The following BPTF variants were observed in gnomAD, a reference collection of about 807,000 sequenced individuals.
BPTF encodes bromodomain PHD finger transcription factor, also known as nucleosome-remodeling factor subunit BPTF.
In BPTF, 18 loss-of-function variants were observed where a neutral mutation model predicts 292.5. The ratio of observed to expected loss-of-function variants is 0.06; its 90% confidence interval spans 0.04 to 0.09. The LOEUF (loss-of-function observed/expected upper bound fraction) is 0.09. Among genes scored for constraint, BPTF ranks in the 10% least tolerant of loss-of-function variants. BPTF has a pLI of 1.00. For missense variants in BPTF, 2,726 were observed against 3,498.7 expected, an observed-to-expected ratio of 0.78 and a Z score of 5.57; for synonymous variants, 1,225 against 1,251.9, an observed-to-expected ratio of 0.98 and a Z score of 0.45.
At chr17:67,930,713 G>A (rs1190406863) in intron 17 of BPTF, among the ~76,000 whole-genome samples, 4 of 152,090 alleles carry the variant, frequency 2.6e-5, no homozygotes, top group African/African-American at 9.7e-5. Context: ...GGAGGCTGAG[G>A]CGAGAGGATC....
rs2065761598 is a variant in BPTF, at chr17:67,945,749, A to G, written c.7041A>G (p.Ser2347=). Residue 2347 remains serine, a synonymous_variant, in exon 21 of 28, where the codon TCA becomes TCG. Transcript: ENST00000306378. ...CTCCTGTTCGTGTCCAAAGTCCATCACAGACTCGAATACGTCCATCAACTC... is the reference window on the plus strand; with the variant it reads ...CTCCTGTTCGTGTCCAAAGTCCATCGCAGACTCGAATACGTCCATCAACTC... ...GQSPVRVQSP[S]QTRIRPSTPS... is the part of the protein sequence containing the mutation. The G allele has an allele frequency of 1.2e-6, 2 of 1,614,066 alleles. No individual in the cohort carries two copies. The highest frequency in any genetic ancestry group is 4.5e-5 in the East Asian group (2 of 44,904).
In BPTF at chr17:67,912,778, G is replaced by A. The variant is rs1245583216; in HGVS notation, c.4894G>A (p.Val1632Met). 6.2e-7 allele frequency: 1 copy of A among 1,613,974 alleles called. No individual in the cohort carries two copies. Among genetic ancestry groups the A allele is most frequent in the Admixed American group, 1.7e-5 (1 of 59,978 alleles). ...CACTGTCACAACCACCACTACAACA[G>A]TGACCAAGCTTTCCACACCCTCCAC... ...KSTVTTTTTTVTKLSTPSTGG... is the reference protein window; with the variant it reads ...KSTVTTTTTTMTKLSTPSTGG... Residue 1632 changes from valine to methionine, a missense_variant, in exon 11 of 28, where the codon GTG becomes ATG. Val to Met is a conservative substitution (Grantham distance 21, BLOSUM62 1). Transcript: ENST00000306378.
intron 15 of BPTF, among the ~76,000 whole-genome samples, chr17:67,927,955 C>A (rs1486558009): frequency 6.6e-6 from 1 of 151,982 alleles, no homozygotes; most frequent in African/African-American, 2.4e-5. Context: ...ATGATCTCAG[C>A]TTACTGCAAC....
At chr17:67,827,930 CTT>C (rs35169238) in intron 1 of BPTF, among the ~76,000 whole-genome samples, 2,362 of 128,918 alleles carry the variant, frequency 0.018, 58 homozygotes, top group African/African-American at 0.059. Flanking sequence ...AATTTTAGTA[CTT>C]TTTTTTTTTT....
At chr17:67,961,726 C>A (rs2067514260) in intron 24 of BPTF, among the ~76,000 whole-genome samples, 1 of 152,128 alleles carries the variant, frequency 6.6e-6, no homozygotes, top group South Asian at 2.1e-4. Flanking sequence ...GTAATCCCAA[C>A]ACTTTGGGAG....
chr17:67,902,562 A>G (rs888013270), intron 7 of BPTF, among the ~76,000 whole-genome samples: 2 of 152,094 alleles, frequency 1.3e-5, no homozygotes, highest in African/African-American at 4.8e-5. Context: ...CTTATGAGAG[A>G]CTACGAAGAG....
chr17:67,844,506 C>G (rs984626588), intron 1 of BPTF, among the ~76,000 whole-genome samples: 1 of 151,936 alleles, frequency 6.6e-6, no homozygotes, highest in Non-Finnish European at 1.5e-5. Flanking sequence ...CTTGGCCTCC[C>G]AAAGTGCTGG....
intron 24 of BPTF, chr17:67,963,624 A>G: frequency 2.7e-6 from 3 of 1,092,964 alleles, no homozygotes; most frequent in South Asian, 3.3e-5. Context: ...ATACACTTAC[A>G]TTACAAATTC....
At chr17:67,847,417 G>C (rs533906311) in intron 1 of BPTF, among the ~76,000 whole-genome samples, 65 of 152,170 alleles carry the variant, frequency 4.3e-4, no homozygotes, top group African/African-American at 1.4e-3. Flanking sequence ...GGGAGGCTGA[G>C]GCAGAAGAAT....
intron 15 of BPTF, among the ~76,000 whole-genome samples, chr17:67,927,633 C>T (rs907205657): frequency 6.6e-6 from 1 of 152,176 alleles, no homozygotes; most frequent in African/African-American, 2.4e-5. Flanking sequence ...GTTCTCAGCT[C>T]TGAATCTCAC....
intron 19 of BPTF, among the ~76,000 whole-genome samples, chr17:67,943,283 A>C (rs2065535448): frequency 6.6e-6 from 1 of 152,160 alleles, no homozygotes; most frequent in Non-Finnish European, 1.5e-5. Flanking sequence ...AGAGTAAATA[A>C]GTTTTGAGGG....
intron 16 of BPTF, 40 bp downstream of exon 16, chr17:67,928,641 G>A (rs1313191043): frequency 1.3e-6 from 2 of 1,534,556 alleles, no homozygotes; most frequent in Admixed American, 4.2e-5. Flanking sequence ...CTTTGGTTCA[G>A]GAAAAAGAAT....
intron 17 of BPTF, among the ~76,000 whole-genome samples, chr17:67,931,104 A>G (rs896766189): frequency 1.3e-5 from 2 of 152,164 alleles, no homozygotes; most frequent in Non-Finnish European, 2.9e-5. Context: ...GTCTCTGCTA[A>G]AAATACAAAA....
At position 67,918,452 on chromosome 17, in the gene BPTF, T is replaced by A. The variant is rs114956509; in HGVS notation, c.5304-262T>A. On this transcript the variant is annotated intron_variant, in intron 11 of 27. Transcript: ENST00000306378. ...TTATCAACCTTACAATGAAACATTC[T>A]CATTTTATAAACTTATATGGCATTT... 8.1e-3 allele frequency among the ~76,000 whole-genome samples: 1,228 copies of A among 152,318 alleles called. 24 individuals carry two copies. Among genetic ancestry groups the A allele is most frequent in the African/African-American group, 0.028 (1,179 of 41,576 alleles).
At chr17:67,959,238 A>G (rs2067235244) in intron 23 of BPTF, among the ~76,000 whole-genome samples, 1 of 151,466 alleles carries the variant, frequency 6.6e-6, no homozygotes, top group Admixed American at 6.6e-5. Context: ...AAGAGCCCAG[A>G]TGGGACAGGG....
At chr17:67,965,900 A>AT (rs2068046238) in intron 25 of BPTF, 1 of 152,046 alleles carries the variant, frequency 6.6e-6, no homozygotes, top group Non-Finnish European at 1.5e-5. Flanking sequence ...TCTACAAAAC[A>AT]TTAAAAAAAA....
In BPTF at chr17:67,892,030, A is replaced by C; in HGVS notation, c.2051A>C (p.Lys684Thr). The C allele has an allele frequency of 1.3e-6, 2 of 1,586,142 alleles. No homozygotes were observed. The highest frequency in any genetic ancestry group is 8.6e-7 in the Non-Finnish European group (1 of 1,166,606). ...HEANKLFKEG[K>T]EVLVVNSQGE... is the part of the protein sequence containing the mutation. Reference sequence around the variant, plus strand: ...GCAAATAAATTATTTAAGGAGGGCAAAGAGGTGTGTTCTTTCTGTTTAAAA... The same window carrying C: ...GCAAATAAATTATTTAAGGAGGGCACAGAGGTGTGTTCTTTCTGTTTAAAA... The change falls in exon 5 of 28, where the codon AAA becomes ACA. Residue 684 changes from lysine (K) to threonine (T), a missense_variant. Around this residue, in one of 22 missense-constraint regions of BPTF, gnomAD observed 63 missense variants for 84.1 expected, o/e 0.75. Transcript: ENST00000306378.
At chr17:67,978,225 C>G (rs1431230330) in intron 27 of BPTF, among the ~76,000 whole-genome samples, 1 of 151,750 alleles carries the variant, frequency 6.6e-6, no homozygotes, top group Non-Finnish European at 1.5e-5. Context: ...TGAGCTCAAG[C>G]GATCCTCCCA....
intron 7 of BPTF, among the ~76,000 whole-genome samples, chr17:67,896,366 A>G (rs935692637): frequency 1.3e-5 from 2 of 152,200 alleles, no homozygotes; most frequent in African/African-American, 2.4e-5. Context: ...GTAAGTTTAC[A>G]ATAGAAGGAA....
Sources: allele counts gnomAD v4.1 joint callset (sites outside exome capture counted in the v4.1 genomes callset), GRCh38; gene constraint gnomAD v4.1.1; regional missense constraint gnomAD v4.1.1; transcripts MANE v1.5; gene names NCBI Gene and HGNC (gene_info 2026-07-23, HGNC 2026-07-21).